The following CCNY variants were observed in gnomAD, a reference collection of about 807,000 sequenced individuals.
CCNY encodes the protein cyclin Y, also known as cyclin-Y.
A neutral mutation model predicts 42.8 loss-of-function variants in CCNY; 19 were observed. That is an observed-to-expected ratio of 0.44 (90% CI 0.31 to 0.65). The LOEUF (loss-of-function observed/expected upper bound fraction) is 0.65. CCNY is among the 30% of genes least tolerant of loss of function. The pLI, the probability that CCNY is intolerant of heterozygous loss-of-function variation, is 0.07. For missense variants in CCNY, 370 were observed against 437.3 expected (o/e 0.85, Z 1.37); for synonymous variants, 165 against 162.7 (o/e 1.01, Z -0.11).
At chr10:35,261,211 C>T (rs2095719294) in intron 3 of CCNY, among the ~76,000 whole-genome samples, 1 of 148,290 alleles carries the variant, frequency 6.7e-6, no homozygotes, top group Non-Finnish European at 1.5e-5. Flanking sequence ...GACAACATAG[C>T]AAGACCCTGT....
At chr10:35,283,439 C>T (rs145122741) in intron 3 of CCNY, among the ~76,000 whole-genome samples, 3,443 of 151,214 alleles carry the variant, frequency 0.023, 127 homozygotes, top group African/African-American at 0.079. Context: ...CTCGCTCTGT[C>T]GCCCAGGCTG....
intron 7 of CCNY, among the ~76,000 whole-genome samples, chr10:35,538,603 G>A (rs914250350): frequency 1.5e-4 from 23 of 152,150 alleles, no homozygotes; most frequent in East Asian, 3.8e-4. Context: ...TATTGACCAC[G>A]TTTTCTTTGG....
chr10:35,563,244 A>T (rs571060799), intron 8 of CCNY, among the ~76,000 whole-genome samples: 1 of 152,076 alleles, frequency 6.6e-6, no homozygotes, highest in East Asian at 1.9e-4. Flanking sequence ...TCTAAAATCT[A>T]TTTTCCCAAA....
chr10:35,270,553 T>C (rs1046303404), intron 3 of CCNY, among the ~76,000 whole-genome samples: 3 of 152,104 alleles, frequency 2.0e-5, no homozygotes, highest in Admixed American at 1.3e-4. Flanking sequence ...TAACATATTT[T>C]TGGTTTTTGC....
At chr10:35,479,247 C>G (rs1839598068) in intron 1 of CCNY, among the ~76,000 whole-genome samples, 1 of 151,706 alleles carries the variant, frequency 6.6e-6, no homozygotes, top group Non-Finnish European at 1.5e-5. Context: ...CCAGCCATCC[C>G]ATTACTGGGT....
At chr10:35,430,581 A>C (rs1177775083) in intron 1 of CCNY, among the ~76,000 whole-genome samples, 1 of 152,176 alleles carries the variant, frequency 6.6e-6, no homozygotes, top group African/African-American at 2.4e-5. Context: ...TTAACCACAT[A>C]ATAACAACTG....
intron 4 of CCNY, among the ~76,000 whole-genome samples, chr10:35,519,311 A>T (rs1300415273): frequency 6.6e-6 from 1 of 151,932 alleles, no homozygotes; most frequent in East Asian, 1.9e-4. Flanking sequence ...TGGCTGAGGC[A>T]TTCTCTGGGT....
intron 1 of CCNY, among the ~76,000 whole-genome samples, chr10:35,377,663 G>A (rs1488087289): frequency 2.0e-5 from 3 of 152,162 alleles, no homozygotes; most frequent in African/African-American, 7.2e-5. Flanking sequence ...AATGGAAATT[G>A]TAGAGAAGAA....
chr10:35,465,936 A>AGGGT (rs1273592792), intron 1 of CCNY, among the ~76,000 whole-genome samples: 1 of 117,602 alleles, frequency 8.5e-6, no homozygotes, highest in African/African-American at 3.3e-5. Flanking sequence ...AGAGAGAGAG[A>AGGGT]GAGTGTGTGT....
chr10:35,543,312 G>T lies in CCNY; in HGVS notation c.580-9707G>T, dbSNP rs1841042847. On this transcript the variant is annotated intron_variant, in intron 7 of 9. Transcript: ENST00000374704. ...AATCAGCAAAAAGGGGAGGGCCCAT[G>T]GGTCGAAGTCTGAAGGAAAAAGAGT... 2.6e-5 allele frequency among the ~76,000 whole-genome samples: 4 copies of T among 152,316 alleles called. No homozygotes were observed. The South Asian group carries it at 8.3e-4, about 32-fold the overall frequency.
chr10:35,403,542 A>AGT (rs1837691423), intron 1 of CCNY, among the ~76,000 whole-genome samples: 1 of 152,190 alleles, frequency 6.6e-6, no homozygotes, highest in Admixed American at 6.5e-5. Context: ...TGGTCCTTGC[A>AGT]GTGTATGACT....
intron 3 of CCNY, among the ~76,000 whole-genome samples, chr10:35,327,967 CTG>C (rs1835898876): frequency 6.6e-6 from 1 of 152,172 alleles, no homozygotes; most frequent in Admixed American, 6.5e-5. Flanking sequence ...AGAGATTGCC[CTG>C]TGTTTTTCCG....
In CCNY at chr10:35,296,317, C is replaced by T. The variant is rs189916334; in HGVS notation, c.-9+45691C>T. ...AAAAGAGTTTGGGAGGGGTGGCTCA[C>T]GCCTGTAATTTCAGGACTTTGGGAG... On this transcript the variant is annotated intron_variant, in intron 3 of 11. Transcript: ENST00000374706. Among the ~76,000 whole-genome samples, 18 of 152,234 alleles carry T rather than the reference C, an allele frequency of 1.2e-4. No homozygotes were observed. In the East Asian group the frequency reaches 1.4e-3, roughly 11 times the overall value.
chr10:35,505,494 T>C (rs532869437), intron 3 of CCNY, among the ~76,000 whole-genome samples: 9 of 152,160 alleles, frequency 5.9e-5, no homozygotes, highest in Non-Finnish European at 1.2e-4. Flanking sequence ...TAGGGAGAGT[T>C]ACTTATCAGC....
chr10:35,304,674 T>C (rs1835585317), intron 3 of CCNY, among the ~76,000 whole-genome samples: 1 of 152,252 alleles, frequency 6.6e-6, no homozygotes, highest in African/African-American at 2.4e-5. Context: ...GCCACAGTAC[T>C]ATTGGCATGT....
At chr10:35,354,184 CTT>C (rs549476804) in intron 1 of CCNY, among the ~76,000 whole-genome samples, 18 of 131,436 alleles carry the variant, frequency 1.4e-4, no homozygotes, top group Non-Finnish European at 4.9e-5. Context: ...CATACATAGT[CTT>C]TTTTTTTTTT....
chr10:35,284,777 T>C lies in CCNY; in HGVS notation c.-9+34151T>C, dbSNP rs369524000. On this transcript the variant is annotated intron_variant, in intron 3 of 11. Coordinates refer to the CCNY transcript ENST00000374706. ...GGCATAAATTGCCCTCCAATCACTA[T>C]TTCAAGGGCATCCCACAAATTTTGA... Among the ~76,000 whole-genome samples the C allele has an allele frequency of 4.3e-4, 65 of 152,246 alleles. No individual in the cohort carries two copies. The South Asian group carries it at 0.012, about 29-fold the overall frequency.
intron 1 of CCNY, among the ~76,000 whole-genome samples, chr10:35,480,473 G>T (rs570546077): frequency 8.5e-5 from 13 of 152,264 alleles, no homozygotes; most frequent in Non-Finnish European, 1.9e-4. Flanking sequence ...GAGCTGGTCA[G>T]TTTTCACCCT....
At chr10:35,280,568 T>C (rs1835289406) in intron 3 of CCNY, among the ~76,000 whole-genome samples, 1 of 152,060 alleles carries the variant, frequency 6.6e-6, no homozygotes, top group Admixed American at 6.6e-5. Flanking sequence ...AAGAATGAAG[T>C]TGGACCCTTA....
Sources: allele counts gnomAD v4.1 joint callset (sites outside exome capture counted in the v4.1 genomes callset), GRCh38; gene constraint gnomAD v4.1.1; transcripts MANE v1.5; gene names NCBI Gene and HGNC (gene_info 2026-07-23, HGNC 2026-07-21).